SMYD3: variants seen among roughly 807,000 people sequenced by gnomAD.
The protein encoded by SMYD3 is histone-lysine N-methyltransferase SMYD3.
SMYD3 carries 36 observed loss-of-function variants against 57.7 expected under a neutral mutation model. That is an observed-to-expected ratio of 0.62 (90% CI 0.48 to 0.82). SMYD3 has a LOEUF of 0.82. Among genes scored for constraint, SMYD3 ranks in the 40% least tolerant of loss-of-function variants. The probability of loss-of-function intolerance (pLI) is 0.00; values close to 1 mark genes in which losing one functional copy is unlikely to be tolerated. For missense variants in SMYD3, 515 were observed against 538.8 expected (o/e 0.96, Z 0.44); for synonymous variants, 211 against 195.0 (o/e 1.08, Z -0.68).
Position 246,330,482 on chromosome 1 carries a change from G to C in SMYD3, c.392C>G (p.Ser131Ter), listed in dbSNP as rs534227319. 1 of 1,582,630 alleles carries C rather than the reference G, an allele frequency of 6.3e-7. No homozygotes were observed. Among genetic ancestry groups the C allele is most frequent in the East Asian group, 2.3e-5 (1 of 44,090 alleles). The change falls in exon 4 of 12, where the codon TCA becomes TGA. Residue 131 changes from serine (S) to a stop codon, truncating the protein, a stop_gained and splice_region_variant. Coordinates refer to ENST00000490107, the MANE Select transcript of SMYD3 (RefSeq NM_001167740.2). LOFTEE classifies it high-confidence loss of function. ...EKLYSFYDLESNINKLTEDKK... is the reference protein window; with the variant it reads ...EKLYSFYDLE Reference sequence around the variant, plus strand: ...GATGCTGATAGACAATCACTTACTTGACTCCAGATCATAAAATGAGTAAAG... The same window carrying C: ...GATGCTGATAGACAATCACTTACTTCACTCCAGATCATAAAATGAGTAAAG...
chr1:245,886,210 C>T (rs1432791248), intron 8 of SMYD3, among the ~76,000 whole-genome samples: 1 of 152,110 alleles, frequency 6.6e-6, no homozygotes, highest in East Asian at 1.9e-4. Flanking sequence ...CCTTTAGCTA[C>T]AGCTTTCCAA....
intron 5 of SMYD3, among the ~76,000 whole-genome samples, chr1:246,210,607 G>T (rs1231921201): frequency 6.6e-6 from 1 of 151,958 alleles, no homozygotes; most frequent in Admixed American, 6.6e-5. Context: ...CTACTCAGGA[G>T]GCTGAGGCAG....
chr1:245,977,481 C>A (rs1334082150), intron 5 of SMYD3, among the ~76,000 whole-genome samples: 1 of 152,138 alleles, frequency 6.6e-6, no homozygotes, highest in Non-Finnish European at 1.5e-5. Flanking sequence ...GAGCTTGAGA[C>A]CAGCCTGGGC....
chr1:245,770,715 A>T lies in SMYD3; in HGVS notation c.1077-6566T>A, dbSNP rs147792996. Reference sequence around the variant, plus strand: ...CAGGTACTGAAATGGTAAGGTTCTCATACACAGACTTTAAAATAGCTCATA... The same window carrying T: ...CAGGTACTGAAATGGTAAGGTTCTCTTACACAGACTTTAAAATAGCTCATA... On this transcript the variant is annotated intron_variant, in intron 10 of 11. Coordinates refer to ENST00000490107, the MANE Select transcript of SMYD3 (RefSeq NM_001167740.2). Among the ~76,000 whole-genome samples the T allele has an allele frequency of 4.1e-3, 628 of 152,342 alleles. 3 individuals are homozygous for T. Among genetic ancestry groups the T allele is most frequent in the African/African-American group, 0.015 (606 of 41,590 alleles).
chr1:246,124,406 A>C (rs2061474074), intron 5 of SMYD3, among the ~76,000 whole-genome samples: 1 of 152,226 alleles, frequency 6.6e-6, no homozygotes, highest in South Asian at 2.1e-4. Flanking sequence ...CAGCTGTACG[A>C]GTTTTTTTTA....
intron 5 of SMYD3, among the ~76,000 whole-genome samples, chr1:246,046,287 A>T (rs2059962282): frequency 6.6e-6 from 1 of 152,210 alleles, no homozygotes; most frequent in African/African-American, 2.4e-5. Context: ...ATGGAATACT[A>T]TGCAGCCATA....
At chr1:245,844,382 C>T (rs1255049256) in intron 10 of SMYD3, among the ~76,000 whole-genome samples, 1 of 152,132 alleles carries the variant, frequency 6.6e-6, no homozygotes, top group Non-Finnish European at 1.5e-5. Context: ...TACTGCACTG[C>T]ACTGTTCTCT....
intron 5 of SMYD3, among the ~76,000 whole-genome samples, chr1:245,964,869 TAGAA>T (rs2058101432): frequency 1.3e-5 from 2 of 149,204 alleles, no homozygotes; most frequent in South Asian, 2.1e-4. Context: ...ATGGGAATAT[TAGAA>T]AGAGAATAAA....
rs527697547 is a variant in SMYD3 at position 246,394,964 on chromosome 1, C to T, written c.165-39870G>A. Among the ~76,000 whole-genome samples, 11 of 151,276 alleles carry T rather than the reference C, an allele frequency of 7.3e-5. No homozygotes were observed. In the East Asian group the frequency reaches 9.8e-4, roughly 13 times the overall value. ...TACACTTTATTATATGAAAGGCTCC[C>T]GAACTCAGCTATACTTTATGATATG... On this transcript the variant is annotated intron_variant, in intron 1 of 11. Coordinates refer to ENST00000490107, the MANE Select transcript of SMYD3 (RefSeq NM_001167740.2).
chr1:246,022,486 A>G (rs919959279), intron 5 of SMYD3, among the ~76,000 whole-genome samples: 3 of 152,204 alleles, frequency 2.0e-5, no homozygotes, highest in Non-Finnish European at 2.9e-5. Context: ...GGCAACTTAC[A>G]TAACCTCTGT....
intron 5 of SMYD3, among the ~76,000 whole-genome samples, chr1:246,120,228 G>A (rs182450611): frequency 1.3e-5 from 2 of 152,254 alleles, no homozygotes; most frequent in African/African-American, 4.8e-5. Context: ...CTTGCTTCAG[G>A]AGATAAGGAT....
chr1:246,355,544 GC>G lies in SMYD3; in HGVS notation c.165-451del, dbSNP rs2065899106. ...TCAGCAGGGAGGCTGGCGGTCTGGG[GC>G]AAGTTCTCAGCCACAGTCACCAGCT... On this transcript the variant is annotated intron_variant, in intron 1 of 11. Transcript: ENST00000490107. The surrounding 1 kb of genome is among the most constrained non-coding windows in gnomAD (Gnocchi z 5.0). Among the ~76,000 whole-genome samples, 1 of 152,162 alleles carries G rather than the reference GC, an allele frequency of 6.6e-6. No homozygotes were observed. Among genetic ancestry groups the G allele is most frequent in the Non-Finnish European group, 1.5e-5 (1 of 68,026 alleles).
At chr1:246,212,501 T>C (rs2148397741) in intron 5 of SMYD3, among the ~76,000 whole-genome samples, 1 of 152,270 alleles carries the variant, frequency 6.6e-6, no homozygotes, top group East Asian at 1.9e-4. Flanking sequence ...CTAATGATTT[T>C]TGGTGATTTT....
At chr1:246,267,351 C>T (rs2064128944) in intron 5 of SMYD3, among the ~76,000 whole-genome samples, 1 of 151,702 alleles carries the variant, frequency 6.6e-6, no homozygotes, top group Non-Finnish European at 1.5e-5. Flanking sequence ...ATTCTGGGCC[C>T]AATTTTAAAA....
At chr1:246,334,061 T>TA (rs60323903) in intron 3 of SMYD3, among the ~76,000 whole-genome samples, 34,346 of 148,186 alleles carry the variant, frequency 0.23, 4,228 homozygotes, top group East Asian at 0.51. Context: ...TATTATTAAA[T>TA]AAAAAAAAAA....
chr1:246,049,290 TTTTG>T (rs374460635), intron 5 of SMYD3, among the ~76,000 whole-genome samples: 23 of 152,044 alleles, frequency 1.5e-4, no homozygotes, highest in East Asian at 1.4e-3. Flanking sequence ...TATGTGTTTT[TTTTG>T]TTTGTTTGTT....
chr1:246,024,233 C>T (rs2059531703), intron 5 of SMYD3, among the ~76,000 whole-genome samples: 1 of 152,164 alleles, frequency 6.6e-6, no homozygotes, highest in Non-Finnish European at 1.5e-5. Flanking sequence ...TACATTTTAT[C>T]TTTTTCCCAA....
intron 10 of SMYD3, among the ~76,000 whole-genome samples, chr1:245,807,369 G>A (rs60244015): frequency 6.6e-6 from 1 of 152,178 alleles, no homozygotes; most frequent in Admixed American, 6.5e-5. Context: ...AAAGGTTGGA[G>A]AGGAAGAAGA....
intron 1 of SMYD3, among the ~76,000 whole-genome samples, chr1:246,445,305 G>A (rs1461253479): frequency 3.3e-5 from 5 of 152,064 alleles, no homozygotes; most frequent in Admixed American, 1.3e-4. Flanking sequence ...GCCCATTTTT[G>A]CCAGCAGTTT....
Sources: gnomAD v4.1 joint callset for allele counts (sites outside exome capture counted in the v4.1 genomes callset) on GRCh38, gnomAD v4.1.1 for gene constraint, Gnocchi (gnomAD v3.1) non-coding constraint, MANE v1.5 for transcripts, NCBI Gene and HGNC (gene_info 2026-07-23, HGNC 2026-07-21) for gene names.